GRAP2: variants seen among roughly 807,000 people sequenced by gnomAD.
GRAP2 encodes GRB2-related adapter protein 2.
Under a neutral mutation model 43.5 loss-of-function variants are expected in GRAP2, and 31 were observed. That is an observed-to-expected ratio of 0.71 (90% CI 0.54 to 0.96). GRAP2 has a LOEUF of 0.96. Ranked by LOEUF, GRAP2 falls within the 40% of genes least tolerant of loss-of-function variation. The probability of loss-of-function intolerance (pLI) is 0.00; values close to 1 mark genes in which losing one functional copy is unlikely to be tolerated. For synonymous variants in GRAP2, 156 were observed against 164.8 expected (o/e 0.95, Z 0.41); for missense variants, 371 against 424.4 (o/e 0.87, Z 1.11).
intron 1 of GRAP2, among the ~76,000 whole-genome samples, chr22:39,929,183 A>C (rs892566738): frequency 4.6e-5 from 7 of 152,184 alleles, no homozygotes; most frequent in Non-Finnish European, 8.8e-5. Flanking sequence ...TACTATGGTG[A>C]TGTAAGATGT....
chr22:39,947,010 C>T (rs113240507), intron 1 of GRAP2, 83 bp from the exon 2 acceptor site: 22 of 819,296 alleles, frequency 2.7e-5, no homozygotes, highest in African/African-American at 2.7e-4. Context: ...CTCCTAGGAA[C>T]TGCTGATTAC....
At chr22:39,955,785 C>T (rs750649086) in intron 2 of GRAP2, 34 bp from the exon 3 acceptor site, 4 of 1,100,626 alleles carry the variant, frequency 3.6e-6, no homozygotes, top group South Asian at 2.5e-5. Context: ...TGTCCTCCCT[C>T]CAATGTCTTT....
At chr22:39,913,745 C>T (rs1006992909) in intron 1 of GRAP2, among the ~76,000 whole-genome samples, 1 of 152,172 alleles carries the variant, frequency 6.6e-6, no homozygotes, top group African/African-American at 2.4e-5. Context: ...CCTACTGCAG[C>T]GTGCACCTAA....
At chr22:39,930,493 G>A (rs966977453) in intron 1 of GRAP2, among the ~76,000 whole-genome samples, 1 of 152,108 alleles carries the variant, frequency 6.6e-6, no homozygotes, top group Non-Finnish European at 1.5e-5. Context: ...ACTTACTATG[G>A]AGATAAAAAC....
chr22:39,972,107 G>C lies in GRAP2; in HGVS notation c.*1023G>C, dbSNP rs745373209. 1 of 152,306 alleles carries C rather than the reference G, an allele frequency of 6.6e-6. No homozygotes were observed. Among genetic ancestry groups the C allele is most frequent in the Non-Finnish European group, 1.5e-5 (1 of 68,088 alleles). 9.4% of individuals were successfully genotyped at this position (152,306 alleles called of 1,614,324 possible). A position where few individuals can be genotyped will look rare whatever the true frequency, so the allele number is the denominator to read the frequency against. ...AAGCTGGCTTTGACACCAGCTTCCT[G>C]TTCAGTCTGACCACTGCTGTCCTCC... On this transcript the variant is annotated 3_prime_UTR_variant, in exon 8 of 8. Coordinates refer to ENST00000344138, the MANE Select transcript of GRAP2 (RefSeq NM_004810.4).
At chr22:39,898,049 A>C (rs1001846468), upstream of GRAP2, among the ~76,000 whole-genome samples, 2 of 151,566 alleles carry the variant, frequency 1.3e-5, no homozygotes, top group East Asian at 3.9e-4. Flanking sequence ...CTCCATCCCA[A>C]CTCCTCTCCA....
At chr22:39,920,754 T>C (rs537004526) in intron 1 of GRAP2, among the ~76,000 whole-genome samples, 1 of 151,952 alleles carries the variant, frequency 6.6e-6, no homozygotes, top group Non-Finnish European at 1.5e-5. Context: ...AGTCATAATA[T>C]CTAAATATGG....
chr22:39,966,258 G>C, intron 5 of GRAP2, 100 bp downstream of exon 5: 1 of 857,092 alleles, frequency 1.2e-6, no homozygotes, highest in Non-Finnish European at 1.9e-6. Flanking sequence ...TAGATCCTCT[G>C]AGTATACTGA....
intron 1 of GRAP2, among the ~76,000 whole-genome samples, chr22:39,906,854 G>T (rs1356797038): frequency 6.6e-6 from 1 of 152,166 alleles, no homozygotes; most frequent in Non-Finnish European, 1.5e-5. Flanking sequence ...TAGTTCTCTT[G>T]TTAAATATGA....
chr22:39,900,084 C>T (rs895160438), upstream of GRAP2, among the ~76,000 whole-genome samples: 6 of 152,092 alleles, frequency 3.9e-5, no homozygotes, highest in Non-Finnish European at 8.8e-5. Flanking sequence ...TTTGCTGATT[C>T]TTCTTTTCTA....
At chr22:39,932,933 T>C (rs1025782156) in intron 1 of GRAP2, among the ~76,000 whole-genome samples, 1 of 152,062 alleles carries the variant, frequency 6.6e-6, no homozygotes, top group Non-Finnish European at 1.5e-5. Context: ...AGAAAACTAG[T>C]AGTAGAGAAG....
At chr22:39,956,542 G>C (rs1444715550) in intron 3 of GRAP2, among the ~76,000 whole-genome samples, 1 of 150,982 alleles carries the variant, frequency 6.6e-6, no homozygotes, top group African/African-American at 2.4e-5. Flanking sequence ...GCCCAGGCTG[G>C]AGTGCAGTGG....
chr22:39,927,482 G>A (rs557456177), intron 1 of GRAP2, among the ~76,000 whole-genome samples: 3 of 152,314 alleles, frequency 2.0e-5, no homozygotes, highest in Admixed American at 6.5e-5. Context: ...TTGTCTGAAT[G>A]GAGAGCAAGG....
chr22:39,894,988 C>T, the GRAP2 span, among the ~76,000 whole-genome samples: 1 of 152,126 alleles, frequency 6.6e-6, no homozygotes, highest in Non-Finnish European at 1.5e-5. Flanking sequence ...AGGCAAAGGA[C>T]ACATCATGTG....
In GRAP2 at chr22:39,956,636, C is replaced by CTTTTTTTTTTTTTTTTT. The variant is rs1601732092; in HGVS notation, c.170+730_170+731insTTTTTTTTTTTTTTTTT. Reference sequence around the variant, plus strand: ...GGTGCATGCCACCACACCCAGCTAACTTTTGTATTTTTAGTAGAGATGGGG... The same window carrying CTTTTTTTTTTTTTTTTT: ...GGTGCATGCCACCACACCCAGCTAACTTTTTTTTTTTTTTTTTTTTTGTATTTTTAGTAGAGATGGGG... On this transcript the variant is annotated intron_variant, in intron 3 of 7. Coordinates refer to ENST00000344138, the MANE Select transcript of GRAP2 (RefSeq NM_004810.4). 2.6e-5 allele frequency among the ~76,000 whole-genome samples: 4 copies of CTTTTTTTTTTTTTTTTT among 151,044 alleles called. No individual in the cohort carries two copies. The East Asian group carries it at 8.3e-4, about 31-fold the overall frequency.
chr22:39,925,110 A>G (rs1042893763), intron 1 of GRAP2, among the ~76,000 whole-genome samples: 3 of 152,094 alleles, frequency 2.0e-5, no homozygotes, highest in Admixed American at 6.6e-5. Context: ...CACTCTAAGG[A>G]CTTTGGACTT....
chr22:39,904,012 A>G (rs1319179935), intron 1 of GRAP2, among the ~76,000 whole-genome samples: 2 of 152,162 alleles, frequency 1.3e-5, no homozygotes, highest in East Asian at 3.8e-4. Flanking sequence ...AATTTTAGAG[A>G]ATTAAAAGAA....
intron 3 of GRAP2, among the ~76,000 whole-genome samples, chr22:39,956,683 G>T (rs2067056812): frequency 6.6e-6 from 1 of 150,408 alleles, no homozygotes; most frequent in South Asian, 2.1e-4. Flanking sequence ...TGGACAGGCT[G>T]GTCTCAAACT....
At chr22:39,914,881 C>A (rs2066591920) in intron 1 of GRAP2, among the ~76,000 whole-genome samples, 1 of 151,838 alleles carries the variant, frequency 6.6e-6, no homozygotes, top group Non-Finnish European at 1.5e-5. Context: ...TGCCCCACAA[C>A]CTTATAAAAA....
Sources: gnomAD v4.1 joint callset for allele counts (sites outside exome capture counted in the v4.1 genomes callset) on GRCh38, gnomAD v4.1.1 for gene constraint, MANE v1.5 for transcripts, NCBI Gene and HGNC (gene_info 2026-07-23, HGNC 2026-07-21) for gene names.